Variants in FYB2 observed in about 807,000 individuals in gnomAD.
FYB2 encodes the protein FYN-binding protein 2.
A neutral mutation model predicts 94.1 loss-of-function variants in FYB2; 103 were observed. That is an observed-to-expected ratio of 1.09 (90% CI 0.93 to 1.29). The LOEUF is 1.29. Ranked by LOEUF, FYB2 falls within the 50% of genes most tolerant of loss-of-function variation. The pLI, the probability that FYB2 is intolerant of heterozygous loss-of-function variation, is 0.00. For missense variants in FYB2, 896 were observed against 841.5 expected (o/e 1.06, Z -0.80); for synonymous variants, 293 against 287.9 (o/e 1.02, Z -0.18).
intron 5 of FYB2, among the ~76,000 whole-genome samples, chr1:56,766,431 CT>C (rs1026883564): frequency 6.6e-6 from 1 of 151,010 alleles, no homozygotes; most frequent in African/African-American, 2.4e-5. Context: ...CCCCTTATTT[CT>C]TTTTTTTTCT....
chr1:56,738,766 G>T, intron 13 of FYB2, 113 bp from the exon 14 acceptor site: 1 of 1,068,292 alleles, frequency 9.4e-7, no homozygotes, highest in Non-Finnish European at 1.4e-6. Flanking sequence ...TTCTTGCCCT[G>T]GTATTCTCTG....
At chr1:56,806,213 G>A (rs1178530146) in intron 1 of FYB2, among the ~76,000 whole-genome samples, 3 of 152,198 alleles carry the variant, frequency 2.0e-5, no homozygotes, top group Non-Finnish European at 4.4e-5. Context: ...TGATGGAGCA[G>A]CACCAGAGGC....
intron 4 of FYB2, among the ~76,000 whole-genome samples, chr1:56,773,728 T>TA (rs1410646319): frequency 6.6e-6 from 1 of 152,186 alleles, no homozygotes; most frequent in Non-Finnish European, 1.5e-5. Flanking sequence ...CAAAACCTGT[T>TA]AGCCATACTT....
intron 15 of FYB2, among the ~76,000 whole-genome samples, chr1:56,734,554 A>G (rs1052568487): frequency 6.6e-6 from 1 of 152,092 alleles, no homozygotes; most frequent in Non-Finnish European, 1.5e-5. Context: ...TCAGCAAACT[A>G]TCACAAGGAT....
chr1:56,722,663 C>T (rs910625019), intron 17 of FYB2, among the ~76,000 whole-genome samples: 5 of 151,924 alleles, frequency 3.3e-5, no homozygotes, highest in African/African-American at 9.7e-5. Flanking sequence ...GAGGTTCATT[C>T]GAGGGACAGA....
intron 1 of FYB2, among the ~76,000 whole-genome samples, chr1:56,800,546 C>T (rs1245722213): frequency 6.6e-6 from 1 of 152,134 alleles, no homozygotes; most frequent in African/African-American, 2.4e-5. Context: ...CACATGAGTA[C>T]TTTTCACCTC....
intron 4 of FYB2, among the ~76,000 whole-genome samples, chr1:56,778,173 C>T (rs1645926470): frequency 6.6e-6 from 1 of 152,142 alleles, no homozygotes; most frequent in South Asian, 2.1e-4. Context: ...GTATGACCAA[C>T]TCTTTCTCAA....
At chr1:56,737,642 T>C (rs1393160163) in intron 14 of FYB2, 1 of 152,410 alleles carries the variant, frequency 6.6e-6, no homozygotes, top group African/African-American at 2.4e-5. Context: ...TAATGTTGAA[T>C]CTGACTCAGT....
upstream of FYB2, chr1:56,819,606 G>A (rs983493805): frequency 1.7e-5 from 9 of 518,352 alleles, no homozygotes; most frequent in South Asian, 4.4e-5. Context: ...GCTCCCCTCC[G>A]GCTGGTCTGA....
At chr1:56,720,095 G>C (rs776184734) in intron 18 of FYB2, 40 bp from the exon 19 acceptor site, 1 of 1,592,468 alleles carries the variant, frequency 6.3e-7, no homozygotes, top group Admixed American at 1.8e-5. Flanking sequence ...GAAAGTTATA[G>C]AGAAAATGTT....
intron 3 of FYB2, among the ~76,000 whole-genome samples, chr1:56,788,157 T>C (rs567106157): frequency 5.3e-5 from 8 of 152,332 alleles, no homozygotes; most frequent in African/African-American, 1.7e-4. Context: ...GTGATTCTGA[T>C]GTACACTCAA....
rs188719293 is a variant in FYB2 at position 56,742,162 on chromosome 1, C to A, written c.1603G>T (p.Asp535Tyr). 7 of 1,603,464 alleles carry A rather than the reference C, an allele frequency of 4.4e-6. No homozygotes were observed. In the African/African-American group the frequency reaches 8.1e-5, roughly 18 times the overall value. ...YKTKNNYPKIDLDGKEALKRL... is the reference protein window; with the variant it reads ...YKTKNNYPKIYLDGKEALKRL... ...AAGCCAAGAAAGAGAGAAACTCACT[C>A]TATCTTTGGGTAGTTGTTCTTTGTT... is the stretch of plus-strand genomic sequence containing the variant. Residue 535 changes from aspartate (D) to tyrosine (Y), a missense_variant and splice_region_variant, in exon 12 of 20, where the codon GAT (aspartate) becomes TAT (tyrosine). Transcript: ENST00000343433.
intron 1 of FYB2, among the ~76,000 whole-genome samples, chr1:56,803,376 T>C (rs1646565724): frequency 6.6e-6 from 1 of 152,126 alleles, no homozygotes; most frequent in Non-Finnish European, 1.5e-5. Flanking sequence ...GGTAACGAGA[T>C]CATGAACTTT....
At chr1:56,744,437 G>C (rs1320247633) in intron 9 of FYB2, among the ~76,000 whole-genome samples, 171 bp from the exon 10 acceptor site, 3 of 151,992 alleles carry the variant, frequency 2.0e-5, no homozygotes, top group Non-Finnish European at 4.4e-5. Flanking sequence ...TCACTTTGTA[G>C]AGCCTCAGTT....
intron 8 of FYB2, among the ~76,000 whole-genome samples, chr1:56,752,500 G>A (rs1569994682): frequency 6.6e-6 from 1 of 152,022 alleles, no homozygotes; most frequent in Non-Finnish European, 1.5e-5. Context: ...ATTATCCTGA[G>A]TTTTGGGTGG....
intron 1 of FYB2, among the ~76,000 whole-genome samples, chr1:56,815,763 T>A (rs1646868937): frequency 6.6e-6 from 1 of 152,192 alleles, no homozygotes; most frequent in Admixed American, 6.5e-5. Flanking sequence ...AAAGTAAACT[T>A]AAGTATACTT....
chr1:56,767,999 T>A lies in FYB2; in HGVS notation c.954-61A>T, dbSNP rs2100813669. On this transcript the variant is annotated intron_variant, in intron 4 of 19. Transcript: ENST00000343433. ...TTAAAAACATATTTTGAAAGCTTTT[T>A]GTATTTTTTCCTCATTAGAGAAATA... 5.2e-6 allele frequency: 7 copies of A among 1,342,140 alleles called. No homozygotes were observed. In the East Asian group the frequency reaches 1.4e-4, roughly 27 times the overall value. 83.1% of individuals were successfully genotyped at this position (1,342,140 alleles called of 1,614,324 possible). A position where few individuals can be genotyped will look rare whatever the true frequency, so the allele number is the denominator to read the frequency against.
In FYB2 at chr1:56,819,328, G is replaced by A; in HGVS notation, c.-38C>T. The A allele has an allele frequency of 1.2e-6, 2 of 1,613,942 alleles. No individual in the cohort carries two copies. Among genetic ancestry groups the A allele is most frequent in the South Asian group, 2.2e-5 (2 of 91,072 alleles). ...AGGCAGAGTCAGGGAAACAAGCCCA[G>A]CCTCTCAGAGCTGGGTCCTGGGGCC... On this transcript the variant is annotated 5_prime_UTR_variant, in exon 1 of 20. Coordinates refer to ENST00000343433, the MANE Select transcript of FYB2 (RefSeq NM_001004303.5).
At chr1:56,809,071 C>T (rs902826911) in intron 1 of FYB2, among the ~76,000 whole-genome samples, 6 of 152,150 alleles carry the variant, frequency 3.9e-5, no homozygotes, top group African/African-American at 1.4e-4. Context: ...ATCACAGAGA[C>T]CATTCACATT....
Sources: gnomAD v4.1 joint callset for allele counts (sites outside exome capture counted in the v4.1 genomes callset) on GRCh38, gnomAD v4.1.1 for gene constraint, MANE v1.5 for transcripts, NCBI Gene and HGNC (gene_info 2026-07-23, HGNC 2026-07-21) for gene names.